Variants in CASP5 observed in about 807,000 individuals in gnomAD.
CASP5 encodes caspase-5.
Under a neutral mutation model 45.2 loss-of-function variants are expected in CASP5, and 42 were observed. That is an observed-to-expected ratio of 0.93 (90% CI 0.73 to 1.20). CASP5 has a LOEUF of 1.20. Among genes scored for constraint, CASP5 ranks in the 50% most tolerant of loss-of-function variants. The pLI is 0.00. For missense variants in CASP5, 512 were observed against 532.2 expected, an observed-to-expected ratio of 0.96 and a Z score of 0.37; for synonymous variants, 209 against 186.2, an observed-to-expected ratio of 1.12 and a Z score of -1.00.
chr11:105,014,517 T>G (rs1862495818), intron 1 of CASP5, among the ~76,000 whole-genome samples: 1 of 152,196 alleles, frequency 6.6e-6, no homozygotes, highest in South Asian at 2.1e-4. Flanking sequence ...GGAAGTCTAA[T>G]AATTATCTAC....
At chr11:105,006,153 T>C (rs1861990689) in intron 3 of CASP5, among the ~76,000 whole-genome samples, 1 of 152,210 alleles carries the variant, frequency 6.6e-6, no homozygotes, top group African/African-American at 2.4e-5. Context: ...GCTCTAATAA[T>C]ACTGATAATT....
chr11:105,000,158 G>T, intron 6 of CASP5, 103 bp downstream of exon 6: 1 of 1,177,542 alleles, frequency 8.5e-7, no homozygotes, highest in Non-Finnish European at 1.3e-6. Flanking sequence ...TACTTTATTT[G>T]CACTGGATGG....
At chr11:105,022,262 T>C (rs1386200899) in intron 1 of CASP5, among the ~76,000 whole-genome samples, 2 of 151,800 alleles carry the variant, frequency 1.3e-5, no homozygotes, top group Non-Finnish European at 2.9e-5. Context: ...TATACATATG[T>C]AACTAACCTG....
At chr11:105,018,284 AG>A (rs1197952379) in intron 1 of CASP5, among the ~76,000 whole-genome samples, 1 of 151,384 alleles carries the variant, frequency 6.6e-6, no homozygotes, top group African/African-American at 2.4e-5. Context: ...TCATAATGAC[AG>A]GATCAAATTC....
At chr11:105,016,656 C>G (rs112312353) in intron 1 of CASP5, among the ~76,000 whole-genome samples, 2 of 151,484 alleles carry the variant, frequency 1.3e-5, no homozygotes, top group East Asian at 2.0e-4. Context: ...GAGGGTCCTA[C>G]GCCCACGGAG....
At chr11:105,009,800 T>TAG (rs1862216498) in intron 1 of CASP5, among the ~76,000 whole-genome samples, 1 of 112,390 alleles carries the variant, frequency 8.9e-6, no homozygotes, top group Non-Finnish European at 1.7e-5. Context: ...CACGTATATA[T>TAG]ATATATACAC....
At chr11:105,008,680 G>T (rs1862123107) in intron 2 of CASP5, 127 bp downstream of exon 2, 3 of 696,858 alleles carry the variant, frequency 4.3e-6, no homozygotes, top group South Asian at 2.0e-5. Flanking sequence ...AAAATTATAG[G>T]TTTGGTGAAA....
At chr11:105,004,047 A>T (rs966391862) in intron 3 of CASP5, among the ~76,000 whole-genome samples, 15 of 152,080 alleles carry the variant, frequency 9.9e-5, no homozygotes, top group Non-Finnish European at 7.4e-5. Flanking sequence ...AGAATATTGA[A>T]TCCTGTACCA....
chr11:105,006,706 G>A (rs909757371), intron 3 of CASP5, among the ~76,000 whole-genome samples: 3 of 152,152 alleles, frequency 2.0e-5, no homozygotes, highest in African/African-American at 7.2e-5. Context: ...GTGAGAAAGT[G>A]CTGGAATTGC....
In CASP5 at chr11:105,000,414, G is replaced by A. The variant is rs750856761; in HGVS notation, c.799C>T (p.His267Tyr). The A allele has an allele frequency of 9.3e-6, 15 of 1,614,070 alleles. No homozygotes were observed. The highest frequency in any genetic ancestry group is 1.3e-5 in the African/African-American group (1 of 74,946). Reference protein sequence around the residue: ...SDSTFLVLMSHGILEGICGTA... With the variant: ...SDSTFLVLMSYGILEGICGTA... ...CCGCAGATTCCCTCTAGGATGCCAT[G>A]AGACATGAGTACCAAGAACGTGCTG... is the stretch of plus-strand genomic sequence containing the variant. The change falls in exon 6 of 10, where the codon CAT (histidine) becomes TAT (tyrosine). Residue 267 changes from histidine to tyrosine, a missense_variant. By Grantham distance (83) the His-to-Tyr change is moderately conservative. Coordinates refer to ENST00000260315, the MANE Select transcript of CASP5 (RefSeq NM_004347.5).
chr11:105,003,993 A>G (rs1861880953), intron 3 of CASP5, among the ~76,000 whole-genome samples: 1 of 152,088 alleles, frequency 6.6e-6, no homozygotes, highest in Non-Finnish European at 1.5e-5. Context: ...GTCCCCTCCT[A>G]GTTCACACCA....
intron 1 of CASP5, among the ~76,000 whole-genome samples, chr11:105,019,163 G>C (rs1248994731): frequency 1.3e-5 from 2 of 151,014 alleles, no homozygotes; most frequent in Non-Finnish European, 3.0e-5. Flanking sequence ...GCAGTGTGTA[G>C]AGGGAAATTT....
chr11:105,011,974 A>G (rs569136666), intron 1 of CASP5, among the ~76,000 whole-genome samples: 3 of 151,936 alleles, frequency 2.0e-5, no homozygotes, highest in South Asian at 4.1e-4. Context: ...AAAAATTCAA[A>G]TAGCCAAAGC....
At chr11:105,016,965 G>T (rs975827366) in intron 1 of CASP5, among the ~76,000 whole-genome samples, 2 of 150,576 alleles carry the variant, frequency 1.3e-5, no homozygotes, top group African/African-American at 5.0e-5. Flanking sequence ...ATCTGAGAAC[G>T]GGCAGACTGC....
At chr11:105,009,113 C>G in intron 1 of CASP5, 133 bp from the exon 2 acceptor site, 1 of 748,608 alleles carries the variant, frequency 1.3e-6, no homozygotes, top group African/African-American at 1.8e-5. Flanking sequence ...AACAAATACT[C>G]ATTATTTCTT....
intron 1 of CASP5, among the ~76,000 whole-genome samples, chr11:105,019,437 G>T (rs960458029): frequency 2.7e-5 from 4 of 149,302 alleles, no homozygotes; most frequent in African/African-American, 7.3e-5. Flanking sequence ...AAAGAGAGAA[G>T]AATCAAATAG....
At position 105,012,115 on chromosome 11, in the gene CASP5, C is replaced by G. The variant is rs533031467; in HGVS notation, c.8-3135G>C. On this transcript the variant is annotated intron_variant, in intron 1 of 9. Transcript: ENST00000260315. The stretch of plus-strand genomic sequence containing the variant: ...AGATCAATGGAATAAAACAAAAAGG[C>G]CAGAAATAAACCCAGTTATTTACAG... Among the ~76,000 whole-genome samples, 196 of 151,664 alleles carry G rather than the reference C, an allele frequency of 1.3e-3. 1 individual carries two copies. Among genetic ancestry groups the G allele is most frequent in the Middle Eastern group, 0.01 (3 of 294 alleles).
chr11:105,018,232 G>A (rs1381317681), intron 1 of CASP5, among the ~76,000 whole-genome samples: 1 of 150,926 alleles, frequency 6.6e-6, no homozygotes, highest in Non-Finnish European at 1.5e-5. Flanking sequence ...TCGAGACTAG[G>A]AAGAAACTGC....
At chr11:105,009,754 TATATACAC>T (rs1439538146) in intron 1 of CASP5, among the ~76,000 whole-genome samples, 3 of 76,370 alleles carry the variant, frequency 3.9e-5, no homozygotes, top group Non-Finnish European at 8.3e-5. Context: ...TATATATATA[TATATACAC>T]ACACACACGT....
Sources: allele counts gnomAD v4.1 joint callset (sites outside exome capture counted in the v4.1 genomes callset), GRCh38; gene constraint gnomAD v4.1.1; transcripts MANE v1.5; gene names NCBI Gene and HGNC (gene_info 2026-07-23, HGNC 2026-07-21).